DNM3: variants seen among roughly 807,000 people sequenced by gnomAD.
DNM3 encodes dynamin-3.
Under a neutral mutation model 101.6 loss-of-function variants are expected in DNM3, and 47 were observed. The observed-to-expected ratio is 0.46, with a 90% CI of 0.37 to 0.59. DNM3 has a LOEUF of 0.59. DNM3 is among the 20% of genes least tolerant of loss of function. The pLI is 0.00. For missense variants in DNM3, 849 were observed against 1,085.7 expected, an observed-to-expected ratio of 0.78 and a Z score of 3.06; for synonymous variants, 385 against 387.9, an observed-to-expected ratio of 0.99 and a Z score of 0.09.
chr1:172,220,334 T>G (rs1310449801), intron 14 of DNM3, among the ~76,000 whole-genome samples: 1 of 152,122 alleles, frequency 6.6e-6, no homozygotes, highest in African/African-American at 2.4e-5. Context: ...AGGAGCTGTA[T>G]ACAAATTGGC....
At chr1:172,054,499 A>G (rs1241865613) in intron 10 of DNM3, among the ~76,000 whole-genome samples, 1 of 152,176 alleles carries the variant, frequency 6.6e-6, no homozygotes, top group African/African-American at 2.4e-5. Context: ...ACTGAGAGGA[A>G]CATCTTGATT....
intron 17 of DNM3, among the ~76,000 whole-genome samples, chr1:172,359,339 A>G (rs531760337): frequency 6.6e-6 from 1 of 151,960 alleles, no homozygotes; most frequent in Non-Finnish European, 1.5e-5. Context: ...CCAGCAAGCC[A>G]TAACTATTAC....
At chr1:172,242,713 G>A (rs1213561571) in intron 14 of DNM3, among the ~76,000 whole-genome samples, 2 of 152,166 alleles carry the variant, frequency 1.3e-5, no homozygotes, top group African/African-American at 4.8e-5. Context: ...AAACAACTGG[G>A]ATTACAGGCA....
intron 14 of DNM3, among the ~76,000 whole-genome samples, chr1:172,156,306 T>G (rs1027813611): frequency 1.3e-5 from 2 of 152,098 alleles, no homozygotes; most frequent in Non-Finnish European, 2.9e-5. Context: ...AGTTTTATTG[T>G]TTCTACTTAA....
chr1:172,358,374 T>A (rs2067558886), intron 17 of DNM3, among the ~76,000 whole-genome samples: 1 of 151,980 alleles, frequency 6.6e-6, no homozygotes, highest in South Asian at 2.1e-4. Context: ...CAAACACCAG[T>A]GGGAAGAAAG....
intron 6 of DNM3, among the ~76,000 whole-genome samples, chr1:172,036,237 T>C (rs1460863933): frequency 2.1e-5 from 3 of 142,156 alleles, no homozygotes; most frequent in African/African-American, 8.0e-5. Flanking sequence ...TTCCCACCTA[T>C]GAGTGAGAAC....
intron 14 of DNM3, among the ~76,000 whole-genome samples, chr1:172,232,086 A>G (rs536980393): frequency 1.3e-5 from 2 of 152,150 alleles, no homozygotes; most frequent in Admixed American, 1.3e-4. Flanking sequence ...TTAAAAGACA[A>G]AGACTGGCAA....
chr1:171,974,082 C>T (rs958028451), intron 2 of DNM3, among the ~76,000 whole-genome samples: 1 of 152,028 alleles, frequency 6.6e-6, no homozygotes, highest in African/African-American at 2.4e-5. Flanking sequence ...TACTTTATTT[C>T]AGGAGTAATT....
chr1:172,410,955 T>C lies in DNM3; in HGVS notation c.*3114T>C, dbSNP rs1414872947. On this transcript the variant is annotated 3_prime_UTR_variant, in exon 21 of 21. Coordinates refer to ENST00000627582, the MANE Select transcript of DNM3 (RefSeq NM_015569.5). ...TTTTCTATGCATGTGTCTCTGTGTA[T>C]ATGGCATATACCTAGTAAGTATGTT... 2 of 985,176 alleles carry C rather than the reference T, an allele frequency of 2.0e-6. No homozygotes were observed. The highest frequency in any genetic ancestry group is 2.4e-6 in the Non-Finnish European group (2 of 829,806). 61.0% of individuals were successfully genotyped at this position (985,176 alleles called of 1,614,324 possible). A position where few individuals can be genotyped will look rare whatever the true frequency, so the allele number is the denominator to read the frequency against.
rs144275284 is a variant in DNM3 at position 172,216,755 on chromosome 1, G to GCACA, written c.1660-36799_1660-36796dup. On this transcript the variant is annotated intron_variant, in intron 14 of 20. Transcript: ENST00000627582. Reference sequence around the variant, plus strand: ...GTAGAGGGAATACACACACACACATGCACACACACACACACACACACATGC... The same window carrying GCACA: ...GTAGAGGGAATACACACACACACATGCACACACACACACACACACACACACATGC... Among the ~76,000 whole-genome samples, 267 of 147,472 alleles carry GCACA rather than the reference G, an allele frequency of 1.8e-3. 3 individuals are homozygous for GCACA. Among genetic ancestry groups the GCACA allele is most frequent in the African/African-American group, 6.1e-3 (246 of 40,608 alleles).
chr1:171,844,325 G>A (rs540418188), intron 1 of DNM3, among the ~76,000 whole-genome samples: 2 of 152,188 alleles, frequency 1.3e-5, no homozygotes, highest in South Asian at 2.1e-4. Context: ...TTTAAGACTC[G>A]ATCTAATGTG....
chr1:172,130,459 G>A (rs1572640259), intron 13 of DNM3, among the ~76,000 whole-genome samples: 1 of 94,100 alleles, frequency 1.1e-5, no homozygotes, highest in South Asian at 3.0e-4. Context: ...TATAATCCAA[G>A]TTGTTAATAT....
At chr1:171,994,633 A>G (rs2045869911) in intron 4 of DNM3, among the ~76,000 whole-genome samples, 1 of 151,932 alleles carries the variant, frequency 6.6e-6, no homozygotes, top group Admixed American at 6.6e-5. Flanking sequence ...GGTTGTACAT[A>G]TATACAAAAT....
chr1:171,992,463 A>G (rs2045701937), intron 4 of DNM3, among the ~76,000 whole-genome samples: 1 of 152,168 alleles, frequency 6.6e-6, no homozygotes, highest in Non-Finnish European at 1.5e-5. Context: ...ATTTTATGCC[A>G]CAAATCTACT....
chr1:172,020,721 C>CAAAAATA (rs2047788093), intron 4 of DNM3, among the ~76,000 whole-genome samples: 1 of 66,354 alleles, frequency 1.5e-5, no homozygotes, highest in Non-Finnish European at 2.9e-5. Flanking sequence ...GAGACTCCGT[C>CAAAAATA]AAAAAAAAAA....
At chr1:171,972,979 A>G (rs1196494752) in intron 2 of DNM3, among the ~76,000 whole-genome samples, 1 of 152,210 alleles carries the variant, frequency 6.6e-6, no homozygotes, top group African/African-American at 2.4e-5. Context: ...TGTATATGTA[A>G]GTTAGTACAT....
chr1:172,386,075 A>C (rs1343440348), intron 18 of DNM3, among the ~76,000 whole-genome samples: 1 of 152,200 alleles, frequency 6.6e-6, no homozygotes, highest in Admixed American at 6.5e-5. Context: ...TAAAACTGGA[A>C]TACTAATACA....
chr1:172,197,516 G>T (rs2059997300), intron 14 of DNM3, among the ~76,000 whole-genome samples: 1 of 151,596 alleles, frequency 6.6e-6, no homozygotes. Context: ...CCATTTTAAT[G>T]ATATCAATTC....
At chr1:172,092,749 A>G in intron 12 of DNM3, 75 bp from the exon 13 acceptor site, 2 of 1,419,652 alleles carry the variant, frequency 1.4e-6, no homozygotes, top group South Asian at 2.7e-5. Context: ...GCCTGTATAA[A>G]TTTTAGTATT....
Sources: allele counts gnomAD v4.1 joint callset (sites outside exome capture counted in the v4.1 genomes callset), GRCh38; gene constraint gnomAD v4.1.1; transcripts MANE v1.5; gene names NCBI Gene and HGNC (gene_info 2026-07-23, HGNC 2026-07-21).